NDUFS4: variants seen among roughly 807,000 people sequenced by gnomAD.
NDUFS4 encodes the protein NADH:ubiquinone oxidoreductase subunit S4.
NDUFS4 carries 28 observed loss-of-function variants against 24.3 expected under a neutral mutation model. The ratio of observed to expected loss-of-function variants is 1.15; its 90% CI spans 0.85 to 1.58. The LOEUF (loss-of-function observed/expected upper bound fraction) is 1.58, where lower values mean the gene tolerates loss of function less well. Ranked by LOEUF, NDUFS4 falls within the 40% of genes most tolerant of loss-of-function variation. The pLI, the probability that NDUFS4 is intolerant of heterozygous loss-of-function variation, is 0.00. For synonymous variants in NDUFS4, 93 were observed against 69.7 expected (o/e 1.34, Z -1.67); for missense variants, 223 against 207.9 (o/e 1.07, Z -0.45).
chr5:53,633,221 G>A (rs1022283616), intron 2 of NDUFS4, among the ~76,000 whole-genome samples: 9 of 152,206 alleles, frequency 5.9e-5, no homozygotes, highest in Admixed American at 4.6e-4. Context: ...TGATAAAGGT[G>A]AATTTCTAAT....
intron 1 of NDUFS4, among the ~76,000 whole-genome samples, chr5:53,561,353 G>A (rs982274650): frequency 5.5e-4 from 84 of 152,108 alleles, no homozygotes; most frequent in Non-Finnish European, 7.4e-5. Flanking sequence ...GTTTTCTAGG[G>A]ATTTTGTTAA....
At chr5:53,663,644 A>G (rs543926214) in intron 4 of NDUFS4, among the ~76,000 whole-genome samples, 4 of 152,198 alleles carry the variant, frequency 2.6e-5, no homozygotes, top group Non-Finnish European at 5.9e-5. Context: ...ATCAGAGACT[A>G]GGATTGCAAC....
intron 3 of NDUFS4, among the ~76,000 whole-genome samples, chr5:53,656,306 A>T (rs571817262): frequency 5.9e-5 from 9 of 152,150 alleles, no homozygotes; most frequent in African/African-American, 2.2e-4. Context: ...ATCTGATATA[A>T]TATTCTGCCA....
At chr5:53,577,972 A>G (rs1164869724) in intron 1 of NDUFS4, among the ~76,000 whole-genome samples, 4 of 152,186 alleles carry the variant, frequency 2.6e-5, no homozygotes, top group Admixed American at 6.5e-5. Flanking sequence ...GATACTGCCT[A>G]AAAGACTTAG....
chr5:53,626,653 A>G (rs1250431410), intron 2 of NDUFS4, among the ~76,000 whole-genome samples: 1 of 152,040 alleles, frequency 6.6e-6, no homozygotes, highest in African/African-American at 2.4e-5. Flanking sequence ...ATTTTTTCAT[A>G]AGTTTGTTGG....
At position 53,608,385 on chromosome 5, in the gene NDUFS4, T is replaced by A. The variant is rs183276951; in HGVS notation, c.177+4855T>A. Among the ~76,000 whole-genome samples the A allele has an allele frequency of 6.6e-5, 10 of 152,332 alleles. 1 individual carries two copies. The East Asian group carries it at 1.9e-3, about 29-fold the overall frequency. On this transcript the variant is annotated intron_variant, in intron 2 of 4. Coordinates refer to ENST00000296684, the MANE Select transcript of NDUFS4 (RefSeq NM_002495.4). The stretch of plus-strand genomic sequence containing the variant: ...AAGACAACAGTGAACTCTGACACAC[T>A]GATTGACCCTTCCTTTCATGAAAAA...
chr5:53,592,604 T>TGCA (rs1055921166), intron 1 of NDUFS4, among the ~76,000 whole-genome samples: 3 of 152,160 alleles, frequency 2.0e-5, no homozygotes, highest in Non-Finnish European at 4.4e-5. Context: ...ATTAAGTTTT[T>TGCA]GCATGTGGAT....
intron 1 of NDUFS4, among the ~76,000 whole-genome samples, chr5:53,573,320 A>G (rs950338670): frequency 1.3e-5 from 2 of 151,960 alleles, no homozygotes; most frequent in African/African-American, 2.4e-5. Flanking sequence ...CCCTTCCATC[A>G]TTTAGAATCA....
At chr5:53,678,369 G>GT (rs4147747) in intron 4 of NDUFS4, among the ~76,000 whole-genome samples, 15 of 152,230 alleles carry the variant, frequency 9.9e-5, no homozygotes, top group East Asian at 9.7e-4. Flanking sequence ...TTAGGTGCTG[G>GT]TAGTTGGGTT....
At chr5:53,675,071 G>T (rs963505582) in intron 4 of NDUFS4, among the ~76,000 whole-genome samples, 1 of 149,952 alleles carries the variant, frequency 6.7e-6, no homozygotes, top group Non-Finnish European at 1.5e-5. Context: ...AAGATTAGAA[G>T]TTCCATTTTC....
chr5:53,562,364 C>T (rs1193494779), intron 1 of NDUFS4, among the ~76,000 whole-genome samples: 1 of 152,122 alleles, frequency 6.6e-6, no homozygotes, highest in Non-Finnish European at 1.5e-5. Flanking sequence ...AGCCCCAGAA[C>T]TGAAAACAAG....
intron 1 of NDUFS4, among the ~76,000 whole-genome samples, chr5:53,563,244 A>AC (rs1169085322): frequency 2.0e-5 from 3 of 151,172 alleles, no homozygotes; most frequent in East Asian, 3.9e-4. Context: ...AACAAAAAAA[A>AC]AAAAAAAAAA....
intron 4 of NDUFS4, among the ~76,000 whole-genome samples, chr5:53,659,062 A>G (rs1007252064): frequency 6.6e-6 from 1 of 152,148 alleles, no homozygotes; most frequent in Non-Finnish European, 1.5e-5. Context: ...TTATTTGAAA[A>G]TATTGTCTTA....
At chr5:53,628,071 T>C (rs1751285157) in intron 2 of NDUFS4, among the ~76,000 whole-genome samples, 1 of 152,218 alleles carries the variant, frequency 6.6e-6, no homozygotes, top group Admixed American at 6.5e-5. Context: ...ACCTAGTTTA[T>C]TGAGAGTTTT....
intron 2 of NDUFS4, among the ~76,000 whole-genome samples, chr5:53,634,835 A>G (rs913095995): frequency 2.6e-5 from 4 of 151,554 alleles, no homozygotes; most frequent in Admixed American, 1.3e-4. Flanking sequence ...ACCTTTTATT[A>G]TAGCTTCTGA....
intron 4 of NDUFS4, among the ~76,000 whole-genome samples, chr5:53,670,529 CTTTTA>C (rs35746031): frequency 0.13 from 18,961 of 151,392 alleles, 2,161 homozygotes; most frequent in East Asian, 0.46. Flanking sequence ...TACATATTTC[CTTTTA>C]TTTAATGTGG....
intron 4 of NDUFS4, among the ~76,000 whole-genome samples, chr5:53,671,779 A>G (rs1394431823): frequency 6.6e-6 from 1 of 152,084 alleles, no homozygotes; most frequent in African/African-American, 2.4e-5. Context: ...GAAGACTAGA[A>G]TCTACTACCA....
chr5:53,615,896 C>A (rs928096299), intron 2 of NDUFS4, among the ~76,000 whole-genome samples: 9 of 152,094 alleles, frequency 5.9e-5, no homozygotes, highest in Admixed American at 4.6e-4. Context: ...CGATGTACAT[C>A]TATTCCAGTG....
chr5:53,651,745 A>G (rs1044457010), intron 3 of NDUFS4, among the ~76,000 whole-genome samples: 6 of 150,216 alleles, frequency 4.0e-5, no homozygotes, highest in Non-Finnish European at 8.9e-5. Context: ...AGGTTTCCTA[A>G]TTTAGGGGAT....
Sources: gnomAD v4.1 joint callset for allele counts (sites outside exome capture counted in the v4.1 genomes callset) on GRCh38, gnomAD v4.1.1 for gene constraint, MANE v1.5 for transcripts, NCBI Gene and HGNC (gene_info 2026-07-23, HGNC 2026-07-21) for gene names.